The following STK32A variants were observed in gnomAD, a reference collection of about 807,000 sequenced individuals.
STK32A encodes the protein serine/threonine-protein kinase 32A.
In STK32A, 41 loss-of-function variants were observed where a neutral mutation model predicts 53.2. That is an observed-to-expected ratio of 0.77 (90% CI 0.60 to 1.00). The LOEUF (loss-of-function observed/expected upper bound fraction) is 1.00, where lower values mean the gene tolerates loss of function less well. Among genes scored for constraint, STK32A ranks in the 50% least tolerant of loss-of-function variants. The pLI is 0.00. For synonymous variants in STK32A, 166 were observed against 162.8 expected, an observed-to-expected ratio of 1.02 and a Z score of -0.15; for missense variants, 458 against 485.8, an observed-to-expected ratio of 0.94 and a Z score of 0.54.
At chr5:147,270,040 C>T (rs368247802) in intron 2 of STK32A, among the ~76,000 whole-genome samples, 11 of 151,976 alleles carry the variant, frequency 7.2e-5, no homozygotes, top group South Asian at 2.1e-4. Flanking sequence ...ATTTCAAAAA[C>T]GAAAGCAGCA....
At chr5:147,298,685 G>A (rs757070741) in intron 4 of STK32A, among the ~76,000 whole-genome samples, 5 of 152,170 alleles carry the variant, frequency 3.3e-5, no homozygotes, top group Non-Finnish European at 7.3e-5. Context: ...TTTTTCAAGA[G>A]AAACTATATT....
At chr5:147,400,569 CTCAGCAAGTACGAGATCCCA>C in the STK32A span, 2 of 1,337,038 alleles carry the variant, frequency 1.5e-6, no homozygotes, top group Non-Finnish European at 2.0e-6. Context: ...CCAGAGACAT[CTCAGCAAGTACGAGATCCCA>C]TCTGCACTCG....
At chr5:147,362,337 G>T (rs1756546958) in intron 8 of STK32A, among the ~76,000 whole-genome samples, 1 of 152,188 alleles carries the variant, frequency 6.6e-6, no homozygotes, top group South Asian at 2.1e-4. Flanking sequence ...ATGCCAGAAT[G>T]GTTGGGTTAT....
chr5:147,247,021 G>A (rs564466077), intron 2 of STK32A, among the ~76,000 whole-genome samples: 9 of 152,260 alleles, frequency 5.9e-5, no homozygotes, highest in African/African-American at 1.2e-4. Flanking sequence ...TCATGCTACC[G>A]TAACTTTTTA....
chr5:147,349,907 C>A (rs572645927), intron 6 of STK32A, among the ~76,000 whole-genome samples: 2 of 151,848 alleles, frequency 1.3e-5, no homozygotes, highest in African/African-American at 4.8e-5. Context: ...GTCAAGAGAT[C>A]GTAGAACACC....
intron 5 of STK32A, among the ~76,000 whole-genome samples, chr5:147,338,424 G>C (rs1755245248): frequency 6.6e-6 from 1 of 152,056 alleles, no homozygotes; most frequent in African/African-American, 2.4e-5. Flanking sequence ...CCCAGTCTTG[G>C]GTATGTCTTT....
At chr5:147,392,997 CGA>C in the STK32A span, 1 of 152,198 alleles carries the variant, frequency 6.6e-6, no homozygotes, top group Non-Finnish European at 1.5e-5. Context: ...GTGCCAGGAT[CGA>C]GAGAATCAAA....
At position 147,354,712 on chromosome 5, in the gene STK32A, T is replaced by C. The variant is rs181929666; in HGVS notation, c.562+3558T>C. On this transcript the variant is annotated intron_variant, in intron 7 of 12. Coordinates refer to ENST00000397936, the MANE Select transcript of STK32A (RefSeq NM_001112724.2). The stretch of plus-strand genomic sequence containing the variant: ...CAGAAGCTAAATAATTTGGCCGAGA[T>C]CACATGGCTAATAATTGAAAAGTCT... Among the ~76,000 whole-genome samples, 252 of 152,318 alleles carry C rather than the reference T, an allele frequency of 1.7e-3. 1 individual carries two copies. Among genetic ancestry groups the C allele is most frequent in the Non-Finnish European group, 2.6e-3 (175 of 68,014 alleles).
At chr5:147,280,652 T>A (rs1337072425) in intron 4 of STK32A, among the ~76,000 whole-genome samples, 3 of 132,080 alleles carry the variant, frequency 2.3e-5, no homozygotes, top group African/African-American at 8.8e-5. Flanking sequence ...CCCAAAGGAG[T>A]CTGAGCTCAG....
chr5:147,342,308 C>T (rs1016061049), intron 5 of STK32A, among the ~76,000 whole-genome samples: 1 of 152,050 alleles, frequency 6.6e-6, no homozygotes, highest in African/African-American at 2.4e-5. Flanking sequence ...GTGTGATAAA[C>T]TGTGATAAAT....
intron 8 of STK32A, among the ~76,000 whole-genome samples, chr5:147,365,491 G>A (rs557331557): frequency 4.6e-5 from 7 of 151,374 alleles, no homozygotes; most frequent in African/African-American, 1.4e-4. Flanking sequence ...CTCCTGATGG[G>A]CTTTTTTTTT....
chr5:147,355,792 G>GTGTGTGTATATATATATATATA (rs984298293), intron 7 of STK32A, among the ~76,000 whole-genome samples: 9 of 147,844 alleles, frequency 6.1e-5, no homozygotes, highest in African/African-American at 2.3e-4. Flanking sequence ...GTGTGTGTGT[G>GTGTGTGTATATATATATATATA]TATATATATA....
At chr5:147,249,818 C>T (rs141839728) in intron 2 of STK32A, among the ~76,000 whole-genome samples, 2,350 of 142,920 alleles carry the variant, frequency 0.016, 74 homozygotes, top group African/African-American at 0.058. Flanking sequence ...GAGGCTGAGG[C>T]AGGAGAATCC....
At chr5:147,314,620 A>T (rs959656942) in intron 4 of STK32A, among the ~76,000 whole-genome samples, 1 of 151,954 alleles carries the variant, frequency 6.6e-6, no homozygotes, top group African/African-American at 2.4e-5. Context: ...GTAGTTTTAC[A>T]TTAAAAGATA....
intron 6 of STK32A, among the ~76,000 whole-genome samples, chr5:147,349,937 C>G (rs2151992899): frequency 6.6e-6 from 1 of 152,022 alleles, no homozygotes; most frequent in African/African-American, 2.4e-5. Flanking sequence ...ATGGTGAAAT[C>G]CCATCTCTAC....
chr5:147,254,721 G>T (rs2151943817), intron 2 of STK32A, among the ~76,000 whole-genome samples: 1 of 152,268 alleles, frequency 6.6e-6, no homozygotes, highest in South Asian at 2.1e-4. Context: ...ACGGGGTGAG[G>T]GCTTTGGCAG....
At chr5:147,267,029 CAAA>C (rs60526828) in intron 2 of STK32A, among the ~76,000 whole-genome samples, 33,233 of 121,082 alleles carry the variant, frequency 0.27, 4,131 homozygotes, top group Admixed American at 0.39. Context: ...AACTCCATCT[CAAA>C]AAAAAAAAAA....
In STK32A at chr5:147,260,190, CCTCTCTCTCTCCT is replaced by C; in HGVS notation, c.53-17924_53-17912del. Among the ~76,000 whole-genome samples the C allele has an allele frequency of 4.8e-5, 2 of 41,550 alleles. 1 individual carries two copies. The highest frequency in any genetic ancestry group is 9.8e-5 in the Non-Finnish European group (2 of 20,510). The allele number at this position is 41,550 out of a possible 152,430, so 27.3% of individuals were successfully genotyped here. On this transcript the variant is annotated intron_variant, in intron 2 of 12. Coordinates refer to ENST00000397936, the MANE Select transcript of STK32A (RefSeq NM_001112724.2). ...CTCTCTCTCTCTCTCCTCTCTCTCT[CCTCTCTCTCTCCT>C]CTCTCTCTCCTCTCTCTCTCTCTCC... is the stretch of plus-strand genomic sequence containing the variant.
At chr5:147,346,082 G>T (rs2151990720) in intron 6 of STK32A, among the ~76,000 whole-genome samples, 1 of 152,222 alleles carries the variant, frequency 6.6e-6, no homozygotes, top group African/African-American at 2.4e-5. Context: ...ATTACTCAAG[G>T]AACATAATTA....
Sources: allele counts gnomAD v4.1 joint callset (sites outside exome capture counted in the v4.1 genomes callset), GRCh38; gene constraint gnomAD v4.1.1; transcripts MANE v1.5; gene names NCBI Gene and HGNC (gene_info 2026-07-23, HGNC 2026-07-21).